GMDS: variants seen among roughly 807,000 people sequenced by gnomAD.
The protein encoded by GMDS is GDP-mannose 4,6 dehydratase.
A neutral mutation model predicts 49.9 loss-of-function variants in GMDS; 20 were observed. That is an observed-to-expected ratio of 0.40 (90% CI 0.28 to 0.58). The LOEUF (loss-of-function observed/expected upper bound fraction) is 0.58, where lower values mean the gene tolerates loss of function less well. Ranked by LOEUF, GMDS falls within the 20% of genes least tolerant of loss-of-function variation. The probability of loss-of-function intolerance (pLI) is 0.42; values close to 1 mark genes in which losing one functional copy is unlikely to be tolerated. For missense variants in GMDS, 362 were observed against 481.4 expected (o/e 0.75, Z 2.32); for synonymous variants, 177 against 178.6 (o/e 0.99, Z 0.07).
intron 1 of GMDS, among the ~76,000 whole-genome samples, chr6:2,237,486 T>C (rs1455090602): frequency 6.6e-6 from 1 of 151,494 alleles, no homozygotes; most frequent in East Asian, 1.9e-4. Flanking sequence ...AAGAAAAGCA[T>C]GAGAAATTGT....
chr6:2,044,482 T>C (rs1769878555), intron 4 of GMDS, among the ~76,000 whole-genome samples: 1 of 152,154 alleles, frequency 6.6e-6, no homozygotes, highest in Non-Finnish European at 1.5e-5. Flanking sequence ...AAATACTGCA[T>C]GTTCTCACTT....
chr6:1,827,918 A>G (rs993418118), intron 7 of GMDS, among the ~76,000 whole-genome samples: 2 of 152,156 alleles, frequency 1.3e-5, no homozygotes, highest in African/African-American at 4.8e-5. Flanking sequence ...AAGGAAAAGG[A>G]AAGTACAGAG....
intron 9 of GMDS, among the ~76,000 whole-genome samples, chr6:1,664,678 T>C (rs1764185446): frequency 6.6e-6 from 1 of 152,208 alleles, no homozygotes; most frequent in African/African-American, 2.4e-5. Flanking sequence ...ATGTAAACTA[T>C]TCCCTGATCA....
At position 1,852,172 on chromosome 6, in the gene GMDS, A is replaced by G. The variant is rs187995138; in HGVS notation, c.771+77931T>C. Reference sequence around the variant, plus strand: ...TTGCTGGCAACTCAAATTCAAAGCCATGTGTTGGTGCAGTAGCAGCAGATG... The same window carrying G: ...TTGCTGGCAACTCAAATTCAAAGCCGTGTGTTGGTGCAGTAGCAGCAGATG... On this transcript the variant is annotated intron_variant, in intron 7 of 10. Transcript: ENST00000380815. 7.9e-5 allele frequency among the ~76,000 whole-genome samples: 12 copies of G among 152,336 alleles called. No individual in the cohort carries two copies. The East Asian group carries it at 1.9e-3, about 24-fold the overall frequency.
chr6:2,239,554 G>C (rs12193942), intron 1 of GMDS, among the ~76,000 whole-genome samples: 1 of 152,094 alleles, frequency 6.6e-6, no homozygotes, highest in Non-Finnish European at 1.5e-5. Context: ...AAAATGTAAG[G>C]CTATACAATT....
intron 1 of GMDS, among the ~76,000 whole-genome samples, chr6:2,223,147 CTCTA>C (rs1003811014): frequency 1.5e-4 from 23 of 151,458 alleles, no homozygotes; most frequent in Admixed American, 7.2e-4. Flanking sequence ...CTCTCTCTCT[CTCTA>C]TATATATATA....
intron 9 of GMDS, among the ~76,000 whole-genome samples, chr6:1,659,231 C>T (rs1417226450): frequency 1.3e-5 from 2 of 149,334 alleles, no homozygotes; most frequent in African/African-American, 2.5e-5. Context: ...TTTTAAACAT[C>T]ACTGTTGCAT....
intron 4 of GMDS, among the ~76,000 whole-genome samples, chr6:1,961,575 G>C (rs759149521): frequency 6.6e-6 from 1 of 152,128 alleles, no homozygotes; most frequent in South Asian, 2.1e-4. Context: ...GGAATAATTC[G>C]ATATTTTGCA....
At chr6:2,066,283 G>T (rs1372532675) in intron 4 of GMDS, among the ~76,000 whole-genome samples, 1 of 149,376 alleles carries the variant, frequency 6.7e-6, no homozygotes, top group East Asian at 2.0e-4. Flanking sequence ...AACATGGAAA[G>T]GAACAACCGG....
At chr6:1,941,693 G>C (rs904506642) in intron 6 of GMDS, among the ~76,000 whole-genome samples, 8 of 152,162 alleles carry the variant, frequency 5.3e-5, no homozygotes, top group Admixed American at 1.3e-4. Flanking sequence ...CAGCCTCTTT[G>C]CATGCTGAGG....
At chr6:1,881,284 A>T (rs1759350233) in intron 7 of GMDS, among the ~76,000 whole-genome samples, 1 of 152,196 alleles carries the variant, frequency 6.6e-6, no homozygotes, top group South Asian at 2.1e-4. Context: ...AAATGAGCAG[A>T]CAAAATCAAA....
chr6:2,057,271 G>T (rs1036068922), intron 4 of GMDS, among the ~76,000 whole-genome samples: 1 of 152,074 alleles, frequency 6.6e-6, no homozygotes, highest in African/African-American at 2.4e-5. Context: ...CCCAGGGAGA[G>T]GTCTCATGAT....
At chr6:1,767,344 A>G (rs1768399409) in intron 7 of GMDS, among the ~76,000 whole-genome samples, 1 of 152,226 alleles carries the variant, frequency 6.6e-6, no homozygotes. Context: ...GGAACTTATT[A>G]TTTGGGAAAT....
chr6:2,064,886 A>G (rs1439445058), intron 4 of GMDS, among the ~76,000 whole-genome samples: 2 of 152,212 alleles, frequency 1.3e-5, no homozygotes, highest in Non-Finnish European at 2.9e-5. Context: ...AGTTCACAAT[A>G]ACCCAATAGT....
intron 4 of GMDS, among the ~76,000 whole-genome samples, chr6:2,063,241 T>A (rs992591885): frequency 6.6e-6 from 1 of 152,238 alleles, no homozygotes; most frequent in African/African-American, 2.4e-5. Context: ...AAATTTGGGA[T>A]TGGCCTATCA....
chr6:2,179,579 T>G (rs994413824), intron 1 of GMDS, among the ~76,000 whole-genome samples: 5 of 152,178 alleles, frequency 3.3e-5, no homozygotes, highest in African/African-American at 9.7e-5. Flanking sequence ...ATCTTGGAAG[T>G]AGAGAGCAGC....
chr6:1,821,615 T>G (rs1341668528), intron 7 of GMDS, among the ~76,000 whole-genome samples: 2 of 35,122 alleles, frequency 5.7e-5, no homozygotes, highest in African/African-American at 1.3e-4. Context: ...TTATTTGTTT[T>G]TTTTTTTTTT....
At chr6:1,749,699 C>T (rs1025084724) in intron 7 of GMDS, among the ~76,000 whole-genome samples, 4 of 152,148 alleles carry the variant, frequency 2.6e-5, no homozygotes, top group South Asian at 4.1e-4. Context: ...GTTTCTGCTT[C>T]TCTCTAATAG....
At chr6:1,999,971 T>TATATATAATATATAATATGTATATA (rs1766611527) in intron 4 of GMDS, among the ~76,000 whole-genome samples, 1 of 6,452 alleles carries the variant, frequency 1.5e-4, no homozygotes, top group Non-Finnish European at 2.9e-4. Flanking sequence ...ATATATATAT[T>TATATATAATATATAATATGTATATA]ATATATATAT....
Sources: allele counts gnomAD v4.1 joint callset (sites outside exome capture counted in the v4.1 genomes callset), GRCh38; gene constraint gnomAD v4.1.1; transcripts MANE v1.5; gene names NCBI Gene and HGNC (gene_info 2026-07-23, HGNC 2026-07-21).